The following GALNT9 variants were observed in gnomAD, a reference collection of about 807,000 sequenced individuals.
GALNT9 encodes the protein GalNAc transferase 9.
A neutral mutation model predicts 63.1 loss-of-function variants in GALNT9; 47 were observed. That is an observed-to-expected ratio of 0.75 (90% CI 0.59 to 0.95). The LOEUF (loss-of-function observed/expected upper bound fraction) is 0.95. Among genes scored for constraint, GALNT9 ranks in the 40% least tolerant of loss-of-function variants. GALNT9 has a pLI of 0.00. For synonymous variants in GALNT9, 396 were observed against 365.7 expected (o/e 1.08, Z -0.94); for missense variants, 829 against 874.8 (o/e 0.95, Z 0.66).
At chr12:132,203,467 G>C in intron 7 of GALNT9, 38 bp downstream of exon 7, 1 of 1,606,210 alleles carries the variant, frequency 6.2e-7, no homozygotes, top group Non-Finnish European at 8.5e-7. Context: ...CCCCGACCCT[G>C]GGGCATGGCC....
chr12:132,249,440 G>A (rs1878828097), intron 5 of GALNT9, among the ~76,000 whole-genome samples: 1 of 152,216 alleles, frequency 6.6e-6, no homozygotes, highest in Non-Finnish European at 1.5e-5. Context: ...AGAATAGCAG[G>A]AGCATTAAAA....
At chr12:132,250,167 C>T (rs902811613) in intron 5 of GALNT9, among the ~76,000 whole-genome samples, 6 of 152,166 alleles carry the variant, frequency 3.9e-5, no homozygotes, top group African/African-American at 1.2e-4. Flanking sequence ...AACGTGGCAC[C>T]GAGGGCAGGG....
intron 1 of GALNT9, among the ~76,000 whole-genome samples, chr12:132,288,041 C>T (rs1880672996): frequency 6.6e-6 from 1 of 152,214 alleles, no homozygotes; most frequent in Non-Finnish European, 1.5e-5. Context: ...AGTGGAAACA[C>T]AAACTTGTGA....
intron 6 of GALNT9, among the ~76,000 whole-genome samples, chr12:132,235,429 A>T (rs1877967445): frequency 2.0e-5 from 3 of 152,132 alleles, no homozygotes; most frequent in African/African-American, 4.8e-5. Context: ...AGGAGAGAGC[A>T]GAGGGAGAGA....
chr12:132,243,855 T>G (rs992304979), intron 6 of GALNT9, among the ~76,000 whole-genome samples: 1 of 152,106 alleles, frequency 6.6e-6, no homozygotes, highest in Non-Finnish European at 1.5e-5. Context: ...CACCGGCCAA[T>G]CACCCGTCAA....
intron 1 of GALNT9, among the ~76,000 whole-genome samples, chr12:132,288,300 A>G (rs1365948512): frequency 2.0e-5 from 3 of 152,250 alleles, no homozygotes; most frequent in Non-Finnish European, 4.4e-5. Context: ...TCCATTTTAA[A>G]TGAGTAAACA....
chr12:132,222,895 C>T (rs1877508148), intron 6 of GALNT9, among the ~76,000 whole-genome samples: 4 of 23,290 alleles, frequency 1.7e-4, no homozygotes, highest in Admixed American at 3.7e-4. Context: ...CCACACAACC[C>T]GCACCCCACA....
chr12:132,215,516 G>A (rs1022725087), intron 6 of GALNT9, among the ~76,000 whole-genome samples: 4 of 152,236 alleles, frequency 2.6e-5, no homozygotes, highest in Non-Finnish European at 5.9e-5. Context: ...TCCCAAGAGC[G>A]CTGCCATGCC....
intron 6 of GALNT9, among the ~76,000 whole-genome samples, chr12:132,210,876 G>A (rs1448454837): frequency 2.6e-5 from 4 of 151,250 alleles, no homozygotes; most frequent in Non-Finnish European, 4.4e-5. Context: ...TCTGGAGGTC[G>A]CCGTCTGGGT....
intron 6 of GALNT9, among the ~76,000 whole-genome samples, chr12:132,218,060 C>G (rs1877291657): frequency 6.6e-6 from 1 of 151,930 alleles, no homozygotes; most frequent in Admixed American, 6.6e-5. Context: ...AGCCACTCAT[C>G]TACCCATCCA....
chr12:132,257,560 C>T (rs1328410513), intron 5 of GALNT9, 129 bp downstream of exon 5: 4 of 492,870 alleles, frequency 8.1e-6, no homozygotes, highest in Middle Eastern at 5.6e-4. Flanking sequence ...CCCACGCCCT[C>T]GTCCCCACGC....
At chr12:132,258,613 G>T (rs782242753) in intron 4 of GALNT9, among the ~76,000 whole-genome samples, 1 of 152,206 alleles carries the variant, frequency 6.6e-6, no homozygotes, top group African/African-American at 2.4e-5. Context: ...CAGCTGCACC[G>T]AAGCCCGGGC....
rs76912406 is a variant in GALNT9, at chr12:132,261,053, T to C, written c.656A>G (p.Asn219Ser). ...GCGGATCAGTCCTTCCCGCCGGCTG[T>C]TGCGGACAATCTTCACGAGGCCTGG... ...RYPGLVKIVR[N>S]SRREGLIRAR... Residue 219 changes from asparagine to serine, a missense_variant, in exon 4 of 11, where the codon AAC (asparagine) becomes AGC (serine). Coordinates refer to ENST00000328957, the MANE Select transcript of GALNT9 (RefSeq NM_001122636.2). 1 of 1,551,482 alleles carries C rather than the reference T, an allele frequency of 6.4e-7. No homozygotes were observed. Among genetic ancestry groups the C allele is most frequent in the East Asian group, 2.4e-5 (1 of 40,906 alleles).
At chr12:132,239,593 CAG>C (rs1164532027) in intron 6 of GALNT9, among the ~76,000 whole-genome samples, 9 of 145,094 alleles carry the variant, frequency 6.2e-5, no homozygotes, top group East Asian at 2.1e-4. Flanking sequence ...CACAGAGAGA[CAG>C]AGAGAGACAC....
chr12:132,216,797 G>C (rs943908934), intron 6 of GALNT9, among the ~76,000 whole-genome samples: 4 of 152,238 alleles, frequency 2.6e-5, no homozygotes, highest in Non-Finnish European at 5.9e-5. Flanking sequence ...TTCTGAGCTC[G>C]AGGCTTTGGC....
chr12:132,322,726 G>T lies in GALNT9; in HGVS notation c.238+6240C>A, dbSNP rs115122465. Among the ~76,000 whole-genome samples the T allele has an allele frequency of 9.1e-3, 1,385 of 152,306 alleles. 16 individuals carry two copies. Among genetic ancestry groups the T allele is most frequent in the African/African-American group, 0.031 (1,282 of 41,556 alleles). On this transcript the variant is annotated intron_variant, in intron 1 of 10. Transcript: ENST00000328957. ...GCAGGCCTGGGCGGCTTCCTGGGAG[G>T]GCCTGGTGAGCCCAGGGGACCGGGC...
At chr12:132,284,153 A>ACAC (rs1555241927) in intron 2 of GALNT9, 2 of 150,724 alleles carry the variant, frequency 1.3e-5, no homozygotes, top group African/African-American at 4.9e-5. Flanking sequence ...ACGCACATGC[A>ACAC]CGCACACGCA....
chr12:132,328,588 A>G (rs1869146234), intron 1 of GALNT9, among the ~76,000 whole-genome samples: 1 of 152,062 alleles, frequency 6.6e-6, no homozygotes, highest in East Asian at 1.9e-4. Flanking sequence ...GGCGCAGCCT[A>G]AACCTGACGG....
Position 132,286,527 on chromosome 12 carries a change from T to C in GALNT9, c.239-97A>G, listed in dbSNP as rs1555242226. 1.4e-6 allele frequency: 2 copies of C among 1,443,950 alleles called. No individual in the cohort carries two copies. Among genetic ancestry groups the C allele is most frequent in the Non-Finnish European group, 1.8e-6 (2 of 1,099,656 alleles). The allele number at this position is 1,443,950 out of a possible 1,614,324, so 89.4% of individuals were successfully genotyped here. On this transcript the variant is annotated intron_variant, in intron 1 of 10. Transcript: ENST00000328957. This position sits in a 1 kb window ranked among gnomAD's most constrained non-coding sequence, Gnocchi z 7.4. The stretch of plus-strand genomic sequence containing the variant: ...CCCGCCCCTCTCCCCGACGGCCGCT[T>C]CCCCCGGTACAAGCCCAGCAAACTC...
Sources: gnomAD v4.1 joint callset for allele counts (sites outside exome capture counted in the v4.1 genomes callset) on GRCh38, gnomAD v4.1.1 for gene constraint, Gnocchi (gnomAD v3.1) non-coding constraint, MANE v1.5 for transcripts, NCBI Gene and HGNC (gene_info 2026-07-23, HGNC 2026-07-21) for gene names.